Variants in SEPTIN7 observed in about 807,000 individuals in gnomAD.
SEPTIN7 encodes the protein septin 7, also known as septin-7.
In SEPTIN7, 10 loss-of-function variants were observed where a neutral mutation model predicts 63.3. The observed-to-expected ratio is 0.16, with a 90% CI of 0.10 to 0.27. SEPTIN7 has a LOEUF of 0.27. Among genes scored for constraint, SEPTIN7 ranks in the 10% least tolerant of loss-of-function variants. The probability of loss-of-function intolerance (pLI) is 1.00; values close to 1 mark genes in which losing one functional copy is unlikely to be tolerated. For synonymous variants in SEPTIN7, 131 were observed against 165.3 expected, an observed-to-expected ratio of 0.79 and a Z score of 1.59; for missense variants, 310 against 521.0, an observed-to-expected ratio of 0.59 and a Z score of 3.94.
intron 4 of SEPTIN7, among the ~76,000 whole-genome samples, chr7:35,872,453 C>T (rs1311263322): frequency 2.0e-5 from 3 of 152,124 alleles, no homozygotes; most frequent in African/African-American, 4.8e-5. Context: ...AAGAGATTGG[C>T]AGACTATTTG....
intron 10 of SEPTIN7, chr7:35,888,779 C>G (rs1348278942): frequency 3.8e-6 from 1 of 261,508 alleles, no homozygotes; most frequent in African/African-American, 2.6e-5. Context: ...GAGATCGTAC[C>G]ACTGCATTCC....
intron 3 of SEPTIN7, among the ~76,000 whole-genome samples, chr7:35,834,370 A>G (rs745412564): frequency 4.6e-5 from 7 of 151,948 alleles, no homozygotes; most frequent in Admixed American, 1.3e-4. Context: ...TTGATTTAAA[A>G]TCTCTGTGGC....
At chr7:35,873,842 C>G in intron 6 of SEPTIN7, 67 bp downstream of exon 6, 4 of 1,411,172 alleles carry the variant, frequency 2.8e-6, no homozygotes, top group Non-Finnish European at 3.0e-6. Context: ...TATGTGCATA[C>G]TTTAGTAATC....
intron 3 of SEPTIN7, among the ~76,000 whole-genome samples, chr7:35,851,365 A>G (rs1353907648): frequency 3.9e-5 from 6 of 152,136 alleles, no homozygotes; most frequent in Admixed American, 1.3e-4. Flanking sequence ...AAAATGAGGG[A>G]ATGATAATGA....
intron 3 of SEPTIN7, among the ~76,000 whole-genome samples, chr7:35,851,321 T>A (rs1260780274): frequency 6.6e-6 from 1 of 152,086 alleles, no homozygotes; most frequent in East Asian, 1.9e-4. Flanking sequence ...GACAAAAAAA[T>A]TTAAAATCCA....
At chr7:35,909,340 GC>G (rs991209611), downstream of SEPTIN7, among the ~76,000 whole-genome samples, 117 of 152,262 alleles carry the variant, frequency 7.7e-4, 1 homozygote, top group Middle Eastern at 0.014. Flanking sequence ...CCTCATTAGT[GC>G]CTATTTAGAC....
chr7:35,872,147 T>C (rs1786192562), intron 4 of SEPTIN7, among the ~76,000 whole-genome samples: 1 of 152,132 alleles, frequency 6.6e-6, no homozygotes, highest in South Asian at 2.1e-4. Context: ...AATACATCCA[T>C]GCTGAGAAAG....
intron 3 of SEPTIN7, among the ~76,000 whole-genome samples, chr7:35,845,322 AGTTTT>A (rs1243784732): frequency 6.6e-6 from 1 of 151,930 alleles, no homozygotes; most frequent in Non-Finnish European, 1.5e-5. Context: ...TTCATGACTT[AGTTTT>A]AAGATCCAAA....
At chr7:35,806,069 GA>G (rs1788317982) in intron 1 of SEPTIN7, among the ~76,000 whole-genome samples, 1 of 152,124 alleles carries the variant, frequency 6.6e-6, no homozygotes, top group Non-Finnish European at 1.5e-5. Context: ...GTTGTGAAAT[GA>G]AAAAAATGTC....
rs752083471 is a variant in SEPTIN7, at chr7:35,904,460, C to G, written c.*167C>G. 7 of 502,984 alleles carry G rather than the reference C, an allele frequency of 1.4e-5. No homozygotes were observed. The highest frequency in any genetic ancestry group is 1.7e-5 in the Non-Finnish European group (5 of 290,380). 31.2% of individuals were successfully genotyped at this position (502,984 alleles called of 1,614,324 possible). A position where few individuals can be genotyped will look rare whatever the true frequency, so the allele number is the denominator to read the frequency against. Reference sequence around the variant, plus strand: ...TTTGTTCTTGATGGAGATTAAGATGCCTTGAATTGTCTAGGGTGTTCTGTA... The same window carrying G: ...TTTGTTCTTGATGGAGATTAAGATGGCTTGAATTGTCTAGGGTGTTCTGTA... On this transcript the variant is annotated 3_prime_UTR_variant, in exon 14 of 14. Transcript: ENST00000350320.
At chr7:35,862,912 C>T (rs1241165654) in intron 3 of SEPTIN7, among the ~76,000 whole-genome samples, 5 of 151,938 alleles carry the variant, frequency 3.3e-5, no homozygotes, top group Non-Finnish European at 7.4e-5. Context: ...AAAAAGAGTA[C>T]GTGATCAGAG....
At chr7:35,894,472 A>C (rs951149300) in intron 11 of SEPTIN7, among the ~76,000 whole-genome samples, 3 of 152,176 alleles carry the variant, frequency 2.0e-5, no homozygotes, top group African/African-American at 4.8e-5. Context: ...AATAGAAATA[A>C]AGACAATTTG....
chr7:35,809,418 A>G (rs1788557718), intron 1 of SEPTIN7, among the ~76,000 whole-genome samples: 1 of 152,222 alleles, frequency 6.6e-6, no homozygotes, highest in African/African-American at 2.4e-5. Flanking sequence ...TGTTAGCTTA[A>G]AAAAAGTTAT....
chr7:35,904,103 G>A (rs1190714825), intron 13 of SEPTIN7, 151 bp from the exon 14 acceptor site: 1 of 506,760 alleles, frequency 2.0e-6, no homozygotes, highest in African/African-American at 2.0e-5. Flanking sequence ...TGTCTTAGCT[G>A]TTTACTTCTA....
chr7:35,832,622 C>G (rs1783888338), intron 2 of SEPTIN7, 176 bp from the exon 3 acceptor site: 1 of 562,026 alleles, frequency 1.8e-6, no homozygotes, highest in South Asian at 1.8e-5. Flanking sequence ...AACTCATGCT[C>G]AAATAATTTT....
At chr7:35,907,888 C>T (rs554173704), downstream of SEPTIN7, among the ~76,000 whole-genome samples, 7 of 152,190 alleles carry the variant, frequency 4.6e-5, no homozygotes, top group African/African-American at 1.7e-4. Flanking sequence ...GTGAGGATTA[C>T]ATTGTGACTG....
chr7:35,889,175 T>G (rs1158278697), intron 10 of SEPTIN7, among the ~76,000 whole-genome samples: 3 of 152,158 alleles, frequency 2.0e-5, no homozygotes, highest in African/African-American at 7.2e-5. Context: ...CCAAAGCAAT[T>G]AAGTCTTTGA....
At chr7:35,803,691 TCTTTTA>T (rs1562725459) in intron 1 of SEPTIN7, among the ~76,000 whole-genome samples, 1 of 152,226 alleles carries the variant, frequency 6.6e-6, no homozygotes, top group Admixed American at 6.5e-5. Flanking sequence ...ATGATTTATG[TCTTTTA>T]CTAAGTTTTG....
chr7:35,911,508 T>A (rs1367243929), downstream of SEPTIN7, among the ~76,000 whole-genome samples: 2 of 152,242 alleles, frequency 1.3e-5, no homozygotes, highest in East Asian at 3.9e-4. Context: ...TGCTGCACAA[T>A]GATTCCTATG....
Sources: allele counts gnomAD v4.1 joint callset (sites outside exome capture counted in the v4.1 genomes callset), GRCh38; gene constraint gnomAD v4.1.1; transcripts MANE v1.5; gene names NCBI Gene and HGNC (gene_info 2026-07-23, HGNC 2026-07-21).